The following TINAGL1 variants were observed in gnomAD, a reference collection of about 807,000 sequenced individuals.
The protein encoded by TINAGL1 is tubulointerstitial nephritis antigen like 1.
A neutral mutation model predicts 62.0 loss-of-function variants in TINAGL1; 34 were observed. The observed-to-expected ratio is 0.55, with a 90% CI of 0.42 to 0.73. The LOEUF (loss-of-function observed/expected upper bound fraction) is 0.73, where lower values mean the gene tolerates loss of function less well. Ranked by LOEUF, TINAGL1 falls within the 30% of genes least tolerant of loss-of-function variation. The probability of loss-of-function intolerance (pLI) is 0.00; values close to 1 mark genes in which losing one functional copy is unlikely to be tolerated. For synonymous variants in TINAGL1, 221 were observed against 249.7 expected (o/e 0.88, Z 1.08); for missense variants, 516 against 653.2 (o/e 0.79, Z 2.29).
In TINAGL1 at chr1:31,586,843, C is replaced by G; in HGVS notation, c.1268C>G (p.Ala423Gly). The change falls in exon 12 of 12, where the codon GCG becomes GGG. Residue 423 changes from alanine (A) to glycine (G), a missense_variant. Coordinates refer to ENST00000271064, the MANE Select transcript of TINAGL1 (RefSeq NM_022164.3). ...ACCACCCCTCCTTATTCCCAGACTG[C>G]GGCCAACTCCTGGGGCCCAGCCTGG... ...PDGRTLKYWTAANSWGPAWGE... is the reference protein window; with the variant it reads ...PDGRTLKYWTGANSWGPAWGE... 1.3e-6 allele frequency: 2 copies of G among 1,543,972 alleles called. No homozygotes were observed. The highest frequency in any genetic ancestry group is 1.8e-6 in the Non-Finnish European group (2 of 1,141,828).
intron 10 of TINAGL1, chr1:31,586,188 CG>C: frequency 3.1e-6 from 1 of 321,966 alleles, no homozygotes; most frequent in Non-Finnish European, 5.7e-6. Context: ...CCTGACCCAC[CG>C]AGTGACCTGG....
At position 31,583,317 on chromosome 1, in the gene TINAGL1, G is replaced by C. The variant is rs1438909253; in HGVS notation, c.467+76G>C. 27 of 1,537,512 alleles carry C rather than the reference G, an allele frequency of 1.8e-5. No individual in the cohort carries two copies. Among genetic ancestry groups the C allele is most frequent in the Non-Finnish European group, 2.4e-5 (27 of 1,113,784 alleles). On this transcript the variant is annotated intron_variant, in intron 4 of 11. Transcript: ENST00000271064. This position sits in a 1 kb window ranked among gnomAD's most constrained non-coding sequence, Gnocchi z 4.4. Reference sequence around the variant, plus strand: ...TGTATACACGCATGCTGTGCTGTGGGGCACGTCCAGCAGGCCACTCCTACA... The same window carrying C: ...TGTATACACGCATGCTGTGCTGTGGCGCACGTCCAGCAGGCCACTCCTACA...
At position 31,577,175 on chromosome 1, in the gene TINAGL1, G is replaced by A. The variant is rs1419965993; in HGVS notation, c.27G>A (p.Leu9=). 1 of 1,571,926 alleles carries A rather than the reference G, an allele frequency of 6.4e-7. No homozygotes were observed. The highest frequency in any genetic ancestry group is 8.6e-7 in the Non-Finnish European group (1 of 1,162,318). Reference sequence around the variant, plus strand: ...TGTGGCGATGTCCACTGGGGCTACTGCTGTTGCTGCCGCTGGCTGGCCACT... The same window carrying A: ...TGTGGCGATGTCCACTGGGGCTACTACTGTTGCTGCCGCTGGCTGGCCACT... The part of the protein sequence containing the change: MWRCPLGL[L]LLLPLAGHLA... The change falls in exon 2 of 12, where the codon CTG becomes CTA. Residue 9 remains leucine (L), a synonymous_variant. Transcript: ENST00000271064. The surrounding 1 kb of genome is among the most constrained non-coding windows in gnomAD (Gnocchi z 5.4).
At chr1:31,586,349 G>A in intron 10 of TINAGL1, 1 of 454,410 alleles carries the variant, frequency 2.2e-6, no homozygotes, top group Non-Finnish European at 4.0e-6. Context: ...CTTCCTTCTG[G>A]CCCTTGGCAC....
At position 31,585,725 on chromosome 1, in the gene TINAGL1, T is replaced by G; in HGVS notation, c.1094-28T>G. 1 of 1,606,148 alleles carries G rather than the reference T, an allele frequency of 6.2e-7. No homozygotes were observed. Among genetic ancestry groups the G allele is most frequent in the Non-Finnish European group, 8.5e-7 (1 of 1,175,976 alleles). On this transcript the variant is annotated intron_variant, in intron 9 of 11. Coordinates refer to ENST00000271064, the MANE Select transcript of TINAGL1 (RefSeq NM_022164.3). This position sits in a 1 kb window ranked among gnomAD's most constrained non-coding sequence, Gnocchi z 4.3. Reference sequence around the variant, plus strand: ...CCAGTGCCTGTGCCAACGGGCTGAGTGGACCCTACCTTGACATCTGCCCAC... The same window carrying G: ...CCAGTGCCTGTGCCAACGGGCTGAGGGGACCCTACCTTGACATCTGCCCAC...
In TINAGL1 at chr1:31,577,614, A is replaced by G; in HGVS notation, c.310+156A>G. 1 of 785,450 alleles carries G rather than the reference A, an allele frequency of 1.3e-6. No homozygotes were observed. The highest frequency in any genetic ancestry group is 2.8e-5 in the East Asian group (1 of 35,802). 48.7% of individuals were successfully genotyped at this position (785,450 alleles called of 1,614,324 possible). A position where few individuals can be genotyped will look rare whatever the true frequency, so the allele number is the denominator to read the frequency against. ...CCCTCTGGGAACTTTACTCTCCAGC[A>G]AGACTGAAGAAGCTCCTTGGTTAGA... On this transcript the variant is annotated intron_variant, in intron 2 of 11. Transcript: ENST00000271064. This position sits in a 1 kb window ranked among gnomAD's most constrained non-coding sequence, Gnocchi z 5.4.
rs1322355588 is a variant in TINAGL1, at chr1:31,586,967, G to C, written c.1392G>C (p.Met464Ile). ...GGGGCCGCGTGGGCATGGAGGACAT[G>C]GGTCATCACTGAGGCTGCGGGCACC... The part of the protein sequence containing the change: ...GVWGRVGMED[M>I]GHH Residue 464 changes from methionine to isoleucine, a missense_variant, in exon 12 of 12, where the codon ATG (methionine) becomes ATC (isoleucine). By Grantham distance (10) the Met-to-Ile change is conservative (BLOSUM62 1). Transcript: ENST00000271064. 1 of 1,511,756 alleles carries C rather than the reference G, an allele frequency of 6.6e-7. No individual in the cohort carries two copies. Among genetic ancestry groups the C allele is most frequent in the African/African-American group, 1.4e-5 (1 of 71,568 alleles). The allele number at this position is 1,511,756 out of a possible 1,614,324, so 93.6% of individuals were successfully genotyped here.
chr1:31,577,008 C>T lies in TINAGL1; in HGVS notation c.-15-126C>T. Reference sequence around the variant, plus strand: ...TGGGGCTCCTCTGCCCGTGTCCTGCCTGGGGACTCAGGAATCGGGATCTCC... The same window carrying T: ...TGGGGCTCCTCTGCCCGTGTCCTGCTTGGGGACTCAGGAATCGGGATCTCC... On this transcript the variant is annotated intron_variant, in intron 1 of 11. Coordinates refer to ENST00000271064, the MANE Select transcript of TINAGL1 (RefSeq NM_022164.3). This position sits in a 1 kb window ranked among gnomAD's most constrained non-coding sequence, Gnocchi z 5.4. 2 of 870,906 alleles carry T rather than the reference C, an allele frequency of 2.3e-6. No homozygotes were observed. Among genetic ancestry groups the T allele is most frequent in the Non-Finnish European group, 3.4e-6 (2 of 591,696 alleles). 53.9% of individuals were successfully genotyped at this position (870,906 alleles called of 1,614,324 possible). A position where few individuals can be genotyped will look rare whatever the true frequency, so the allele number is the denominator to read the frequency against.
rs542216415 is a variant in TINAGL1 at position 31,586,991 on chromosome 1, C to T, written c.*12C>T. The T allele has an allele frequency of 2.0e-6, 3 of 1,466,194 alleles. No homozygotes were observed. The highest frequency in any genetic ancestry group is 1.4e-5 in the African/African-American group (1 of 70,010). The allele number at this position is 1,466,194 out of a possible 1,614,324, so 90.8% of individuals were successfully genotyped here. A position where few individuals can be genotyped will look rare whatever the true frequency, so the allele number is the denominator to read the frequency against. On this transcript the variant is annotated 3_prime_UTR_variant, in exon 12 of 12. Transcript: ENST00000271064. ...TGGGTCATCACTGAGGCTGCGGGCA[C>T]CACGCGGGGTCCGGCCTGGGATCCA...
rs1156380393 is a variant in TINAGL1, at chr1:31,577,166, G to A, written c.18G>A (p.Leu6=). ...GAGCCACCATGTGGCGATGTCCACT[G>A]GGGCTACTGCTGTTGCTGCCGCTGG... is the stretch of plus-strand genomic sequence containing the variant. MWRCP[L]GLLLLLPLAG... The change falls in exon 2 of 12, where the codon CTG becomes CTA. Residue 6 remains leucine, a synonymous_variant. Coordinates refer to ENST00000271064, the MANE Select transcript of TINAGL1 (RefSeq NM_022164.3). The surrounding 1 kb of genome is among the most constrained non-coding windows in gnomAD (Gnocchi z 5.4). 2 of 1,558,174 alleles carry A rather than the reference G, an allele frequency of 1.3e-6. No individual in the cohort carries two copies. The highest frequency in any genetic ancestry group is 1.7e-6 in the Non-Finnish European group (2 of 1,155,788).
intron 3 of TINAGL1, chr1:31,580,234 T>A: frequency 6.3e-5 from 64 of 1,010,196 alleles, no homozygotes; most frequent in Non-Finnish European, 7.5e-5. Context: ...TCTGTCTCTC[T>A]CTGTCTCTCT....
At position 31,585,798 on chromosome 1, in the gene TINAGL1, T is replaced by G. The variant is rs1277351948; in HGVS notation, c.1139T>G (p.Ile380Ser). 2 of 1,613,360 alleles carry G rather than the reference T, an allele frequency of 1.2e-6. No homozygotes were observed. The highest frequency in any genetic ancestry group is 1.7e-6 in the Non-Finnish European group (2 of 1,179,794). ...GACTTCTTCCTATACAAGGGAGGCA[T>G]CTACAGCCACACGCCAGTGAGCCTT... ...HEDFFLYKGGIYSHTPVSLGR... is the reference protein window; with the variant it reads ...HEDFFLYKGGSYSHTPVSLGR... The change falls in exon 10 of 12, where the codon ATC becomes AGC. Residue 380 changes from isoleucine to serine, a missense_variant. Physicochemically the swap from Ile to Ser is moderately radical, Grantham distance 142. Transcript: ENST00000271064. The surrounding 1 kb of genome is among the most constrained non-coding windows in gnomAD (Gnocchi z 4.3).
rs200558354 is a variant in TINAGL1, at chr1:31,577,284, C to A, written c.136C>A (p.Arg46=). The stretch of plus-strand genomic sequence containing the variant: ...GCGGGGCATCCGGGACGCGGGAGGC[C>A]GGTACTGCCAGGAGCAGGACCTGTG... The part of the protein sequence containing the change: ...HLRGIRDAGG[R]YCQEQDLCCR... The change falls in exon 2 of 12, where the codon CGG becomes AGG. Residue 46 remains arginine (R), a synonymous_variant. Coordinates refer to ENST00000271064, the MANE Select transcript of TINAGL1 (RefSeq NM_022164.3). The surrounding 1 kb of genome is among the most constrained non-coding windows in gnomAD (Gnocchi z 5.4). 1 of 1,612,740 alleles carries A rather than the reference C, an allele frequency of 6.2e-7. No homozygotes were observed. Among genetic ancestry groups the A allele is most frequent in the Non-Finnish European group, 8.5e-7 (1 of 1,179,672 alleles).
rs550340248 is a variant in TINAGL1 at position 31,580,432 on chromosome 1, G to C, written c.374+1165G>C. ...TGAAGGCTCTGGGGGCGAGGGTGGG[G>C]GAGTGTCCAGGGTGTCAGAGCCCTC... On this transcript the variant is annotated intron_variant, in intron 3 of 11. Transcript: ENST00000271064. 3.9e-6 allele frequency: 5 copies of C among 1,289,338 alleles called. No individual in the cohort carries two copies. In the African/African-American group the frequency reaches 6.1e-5, roughly 16 times the overall value. 79.9% of individuals were successfully genotyped at this position (1,289,338 alleles called of 1,614,324 possible).
intron 3 of TINAGL1, chr1:31,579,786 T>A (rs1639162675): frequency 6.2e-6 from 1 of 161,104 alleles, no homozygotes; most frequent in South Asian, 1.8e-4. Context: ...CCCTATTCAG[T>A]CTGAGATGGG....
At position 31,583,680 on chromosome 1, in the gene TINAGL1, T is replaced by C; in HGVS notation, c.582+105T>C. On this transcript the variant is annotated intron_variant, in intron 5 of 11. Transcript: ENST00000271064. This position sits in a 1 kb window ranked among gnomAD's most constrained non-coding sequence, Gnocchi z 4.4. ...TCCAAGGGCCTGGACCATCCCCTACTACAAGGCTGTGTGTCCCTGGACAAG... is the reference window on the plus strand; with the variant it reads ...TCCAAGGGCCTGGACCATCCCCTACCACAAGGCTGTGTGTCCCTGGACAAG... 3.1e-6 allele frequency: 3 copies of C among 966,098 alleles called. No individual in the cohort carries two copies. Among genetic ancestry groups the C allele is most frequent in the East Asian group, 2.6e-5 (1 of 37,932 alleles). 59.8% of individuals were successfully genotyped at this position (966,098 alleles called of 1,614,324 possible). A position where few individuals can be genotyped will look rare whatever the true frequency, so the allele number is the denominator to read the frequency against.
At chr1:31,581,516 T>C (rs1172808390) in intron 3 of TINAGL1, among the ~76,000 whole-genome samples, 1 of 152,078 alleles carries the variant, frequency 6.6e-6, no homozygotes, top group African/African-American at 2.4e-5. Flanking sequence ...TTTTCAGAGT[T>C]GAAGATGTTA....
Position 31,584,491 on chromosome 1 carries a change from G to GGC in TINAGL1, c.583-187_583-186insGC. 1.2e-6 allele frequency: 1 copy of GGC among 819,814 alleles called. No homozygotes were observed. The highest frequency in any genetic ancestry group is 1.9e-6 in the Non-Finnish European group (1 of 523,212). The allele number at this position is 819,814 out of a possible 1,614,324, so 50.8% of individuals were successfully genotyped here. ...CGCCCCACCACCTGATACCTGGGAG[G>GGC]CACTAAATGGTGCTTGGTTCTTCAA... On this transcript the variant is annotated intron_variant, in intron 5 of 11. Coordinates refer to ENST00000271064, the MANE Select transcript of TINAGL1 (RefSeq NM_022164.3). This position sits in a 1 kb window ranked among gnomAD's most constrained non-coding sequence, Gnocchi z 4.0.
In TINAGL1 at chr1:31,584,578, G is replaced by A. The variant is rs546892474; in HGVS notation, c.583-100G>A. On this transcript the variant is annotated intron_variant, in intron 5 of 11. Transcript: ENST00000271064. The surrounding 1 kb of genome is among the most constrained non-coding windows in gnomAD (Gnocchi z 4.0). ...CAGCAGGAGGGCTCAAGATTAAACTGCAGAAGGCCCTGGACTTGGTGGCCC... is the reference window on the plus strand; with the variant it reads ...CAGCAGGAGGGCTCAAGATTAAACTACAGAAGGCCCTGGACTTGGTGGCCC... 2.3e-4 allele frequency: 359 copies of A among 1,574,534 alleles called. 1 individual carries two copies. In the African/African-American group the frequency reaches 4.2e-3, roughly 18 times the overall value.
Sources: gnomAD v4.1 joint callset for allele counts (sites outside exome capture counted in the v4.1 genomes callset) on GRCh38, gnomAD v4.1.1 for gene constraint, Gnocchi (gnomAD v3.1) non-coding constraint, MANE v1.5 for transcripts, NCBI Gene and HGNC (gene_info 2026-07-23, HGNC 2026-07-21) for gene names.